The following ZFPM2 variants were observed in gnomAD, a reference collection of about 807,000 sequenced individuals.
ZFPM2 encodes zinc finger protein ZFPM2.
In ZFPM2, 20 loss-of-function variants were observed where a neutral mutation model predicts 98.6. The ratio of observed to expected loss-of-function variants is 0.20; its 90% CI spans 0.14 to 0.29. The LOEUF is 0.29. Among genes scored for constraint, ZFPM2 ranks in the 10% least tolerant of loss-of-function variants. ZFPM2 has a pLI of 1.00. For missense variants in ZFPM2, 1,310 were observed against 1,388.6 expected, an observed-to-expected ratio of 0.94 and a Z score of 0.90; for synonymous variants, 518 against 502.7, an observed-to-expected ratio of 1.03 and a Z score of -0.41.
chr8:105,389,525 T>G (rs1216981468), intron 1 of ZFPM2, among the ~76,000 whole-genome samples: 1 of 152,180 alleles, frequency 6.6e-6, no homozygotes, highest in African/African-American at 2.4e-5. Context: ...AAAGTTGCTT[T>G]TTCTCTTCAA....
chr8:105,357,452 T>C (rs529129654), intron 1 of ZFPM2, among the ~76,000 whole-genome samples: 21 of 152,338 alleles, frequency 1.4e-4, no homozygotes, highest in African/African-American at 4.8e-4. Flanking sequence ...TTACATCTCA[T>C]AGCAATGTGG....
At chr8:105,777,137 G>A (rs1045591982) in intron 5 of ZFPM2, among the ~76,000 whole-genome samples, 5 of 152,142 alleles carry the variant, frequency 3.3e-5, no homozygotes, top group African/African-American at 4.8e-5. Context: ...AAACCAGAGT[G>A]CAGTTTTTAT....
chr8:105,461,949 A>G (rs1034177078), intron 3 of ZFPM2, among the ~76,000 whole-genome samples: 7 of 152,154 alleles, frequency 4.6e-5, no homozygotes, highest in Non-Finnish European at 8.8e-5. Flanking sequence ...TTTTCATACA[A>G]TGAGCTCTTC....
chr8:105,443,338 A>AAAAAAAAAAAC (rs1554605250), intron 2 of ZFPM2, among the ~76,000 whole-genome samples: 1 of 151,002 alleles, frequency 6.6e-6, no homozygotes, highest in Non-Finnish European at 1.5e-5. Flanking sequence ...AAAAAAAAAA[A>AAAAAAAAAAAC]ACTTGGCATT....
chr8:105,731,209 TC>T (rs1811928309), intron 5 of ZFPM2, among the ~76,000 whole-genome samples: 1 of 151,818 alleles, frequency 6.6e-6, no homozygotes, highest in South Asian at 2.1e-4. Flanking sequence ...TAGTGTGTTC[TC>T]CCTTGTCCTT....
rs1219099698 is a variant in ZFPM2, at chr8:105,801,441, A to G, written c.1359A>G (p.Arg453=). The change falls in exon 8 of 8, where the codon AGA becomes AGG. Residue 453 remains arginine (R), a synonymous_variant. Coordinates refer to ENST00000407775, the MANE Select transcript of ZFPM2 (RefSeq NM_012082.4). ...CTCAGCTCTTTCTCACGAACCAGAG[A>G]CCAGAGATACAGCCTACAACAAATA... The part of the protein sequence containing the change: ...KKTQLFLTNQ[R]PEIQPTTNKQ... 6.2e-7 allele frequency: 1 copy of G among 1,613,752 alleles called. No homozygotes were observed. The highest frequency in any genetic ancestry group is 1.3e-5 in the African/African-American group (1 of 74,906).
intron 3 of ZFPM2, among the ~76,000 whole-genome samples, chr8:105,488,680 C>T (rs1278447143): frequency 1.3e-5 from 2 of 152,126 alleles, no homozygotes; most frequent in South Asian, 2.1e-4. Flanking sequence ...AGAAGAATTG[C>T]TCCAACCCAA....
intron 3 of ZFPM2, among the ~76,000 whole-genome samples, chr8:105,542,476 A>G (rs1814598529): frequency 6.6e-6 from 1 of 152,184 alleles, no homozygotes; most frequent in South Asian, 2.1e-4. Flanking sequence ...TCTCTTGAAT[A>G]ATGAAAGTTT....
At chr8:105,354,985 C>T (rs1586312373) in intron 1 of ZFPM2, among the ~76,000 whole-genome samples, 1 of 151,930 alleles carries the variant, frequency 6.6e-6, no homozygotes, top group Non-Finnish European at 1.5e-5. Context: ...CAAAAAACAG[C>T]GGCAACAAAA....
intron 2 of ZFPM2, among the ~76,000 whole-genome samples, chr8:105,425,065 T>C (rs774733641): frequency 6.6e-6 from 1 of 151,836 alleles, no homozygotes; most frequent in Non-Finnish European, 1.5e-5. Context: ...ACCTATGAGG[T>C]TAGTGTTATA....
intron 1 of ZFPM2, among the ~76,000 whole-genome samples, chr8:105,389,621 C>G (rs1399427825): frequency 6.6e-6 from 1 of 152,118 alleles, no homozygotes; most frequent in Non-Finnish European, 1.5e-5. Flanking sequence ...TCTAATTTTA[C>G]CCAGCTGGTA....
At chr8:105,420,992 G>T (rs1298238548) in intron 2 of ZFPM2, among the ~76,000 whole-genome samples, 2 of 151,854 alleles carry the variant, frequency 1.3e-5, no homozygotes, top group African/African-American at 2.4e-5. Context: ...AAGAGTAAGG[G>T]TTCTTTACTC....
chr8:105,427,310 A>G (rs1167152148), intron 2 of ZFPM2, among the ~76,000 whole-genome samples: 2 of 152,120 alleles, frequency 1.3e-5, no homozygotes, highest in African/African-American at 2.4e-5. Context: ...ACCAAATTAA[A>G]GTGATTAATT....
Position 105,695,378 on chromosome 8 carries a change from ATTTTTTTTTTT to A in ZFPM2, c.532+61037_532+61047del, listed in dbSNP as rs1165726984. Among the ~76,000 whole-genome samples the A allele has an allele frequency of 2.0e-4, 15 of 74,836 alleles. 1 individual carries two copies. Among genetic ancestry groups the A allele is most frequent in the African/African-American group, 5.5e-4 (10 of 18,276 alleles). 49.1% of individuals were successfully genotyped at this position (74,836 alleles called of 152,430 possible). Reference sequence around the variant, plus strand: ...TTTAAGTCAGGCAAGAATGGTTTGTATTTTTTTTTTTTTTTTTTTTTTTTTTGCTGTACCCG... The same window carrying A: ...TTTAAGTCAGGCAAGAATGGTTTGTATTTTTTTTTTTTTTTGCTGTACCCG... On this transcript the variant is annotated intron_variant, in intron 5 of 7. Transcript: ENST00000407775.
intron 4 of ZFPM2, among the ~76,000 whole-genome samples, chr8:105,581,328 A>G (rs13266725): frequency 0.12 from 18,126 of 152,184 alleles, 1,307 homozygotes; most frequent in South Asian, 0.17. Context: ...TCAATGTGAT[A>G]CGTGGGTCCT....
chr8:105,679,291 T>C (rs1810547433), intron 5 of ZFPM2, among the ~76,000 whole-genome samples: 1 of 152,196 alleles, frequency 6.6e-6, no homozygotes, highest in South Asian at 2.1e-4. Context: ...CAACAAATGA[T>C]TGTGAAGTAG....
intron 4 of ZFPM2, among the ~76,000 whole-genome samples, chr8:105,567,730 A>G (rs1815269633): frequency 6.6e-6 from 1 of 152,128 alleles, no homozygotes; most frequent in African/African-American, 2.4e-5. Context: ...TTATTATTCA[A>G]TTTTGGACCT....
chr8:105,364,657 C>CAA (rs529091109), intron 1 of ZFPM2, among the ~76,000 whole-genome samples: 34 of 117,274 alleles, frequency 2.9e-4, no homozygotes, highest in African/African-American at 7.1e-4. Flanking sequence ...GCAAGAATAC[C>CAA]AAAAAAAAAA....
intron 3 of ZFPM2, among the ~76,000 whole-genome samples, chr8:105,541,457 G>A (rs1262832777): frequency 6.6e-6 from 1 of 152,056 alleles, no homozygotes; most frequent in African/African-American, 2.4e-5. Flanking sequence ...GAATATCCTG[G>A]ATCAAAGAAG....
Sources: gnomAD v4.1 joint callset for allele counts (sites outside exome capture counted in the v4.1 genomes callset) on GRCh38, gnomAD v4.1.1 for gene constraint, MANE v1.5 for transcripts, NCBI Gene and HGNC (gene_info 2026-07-23, HGNC 2026-07-21) for gene names.